Variants in RHCE observed in about 807,000 individuals in gnomAD.
RHCE encodes blood group Rh(CE) polypeptide.
Under a neutral mutation model 43.8 loss-of-function variants are expected in RHCE, and 22 were observed. That is an observed-to-expected ratio of 0.50 (90% CI 0.36 to 0.72). The LOEUF (loss-of-function observed/expected upper bound fraction) is 0.72, where lower values mean the gene tolerates loss of function less well. Among genes scored for constraint, RHCE ranks in the 30% least tolerant of loss-of-function variants. The probability of loss-of-function intolerance (pLI) is 0.00; values close to 1 mark genes in which losing one functional copy is unlikely to be tolerated. For synonymous variants in RHCE, 156 were observed against 210.7 expected (o/e 0.74, Z 2.25); for missense variants, 385 against 525.4 (o/e 0.73, Z 2.61).
chr1:25,416,979 C>T (rs1647568448), intron 1 of RHCE, among the ~76,000 whole-genome samples: 1 of 151,076 alleles, frequency 6.6e-6, no homozygotes, highest in African/African-American at 2.4e-5. Flanking sequence ...GAGAGAACAG[C>T]ACGATGACCC....
chr1:25,389,802 T>C (rs1350864464), intron 5 of RHCE, among the ~76,000 whole-genome samples: 1 of 152,150 alleles, frequency 6.6e-6, no homozygotes, highest in Non-Finnish European at 1.5e-5. Flanking sequence ...TCCTGGGTTA[T>C]AGCTCTGCTA....
At chr1:25,406,422 C>T (rs1224406811) in intron 2 of RHCE, among the ~76,000 whole-genome samples, 1 of 118,470 alleles carries the variant, frequency 8.4e-6, no homozygotes, top group Non-Finnish European at 1.9e-5. Flanking sequence ...AAGTGATTCG[C>T]CTGCCTCAGC....
At chr1:25,403,533 T>C (rs968632080) in intron 2 of RHCE, among the ~76,000 whole-genome samples, 2 of 150,778 alleles carry the variant, frequency 1.3e-5, no homozygotes, top group Non-Finnish European at 3.0e-5. Context: ...AAGGTTCTTA[T>C]GATCCAAAAA....
At chr1:25,370,433 A>G (rs778206314) in intron 9 of RHCE, 34 bp downstream of exon 9, 13 of 1,575,286 alleles carry the variant, frequency 8.3e-6, no homozygotes, top group Non-Finnish European at 1.1e-5. Context: ...TCATGCACTC[A>G]AAATCTATCA....
At position 25,362,444 on chromosome 1, in the gene RHCE, G is replaced by A. The variant is rs755024990; in HGVS notation, c.*83C>T. 23 of 1,613,112 alleles carry A rather than the reference G, an allele frequency of 1.4e-5. 1 individual carries two copies. Among genetic ancestry groups the A allele is most frequent in the South Asian group, 3.3e-5 (3 of 91,044 alleles). On this transcript the variant is annotated 3_prime_UTR_variant, in exon 10 of 10. Transcript: ENST00000294413. The stretch of plus-strand genomic sequence containing the variant: ...ATAAGGAGACTTTGCTGTCATGAGC[G>A]TTTCTCACGTACAAATGCAGGCAAC...
At chr1:25,376,138 C>T (rs1212621589) in intron 7 of RHCE, among the ~76,000 whole-genome samples, 1 of 152,092 alleles carries the variant, frequency 6.6e-6, no homozygotes, top group Non-Finnish European at 1.5e-5. Flanking sequence ...TTCTATTTCT[C>T]TTGGGGCAAG....
At chr1:25,388,692 CA>C in intron 6 of RHCE, among the ~76,000 whole-genome samples, 1 of 152,328 alleles carries the variant, frequency 6.6e-6, no homozygotes, top group South Asian at 2.1e-4. Context: ...GGGCTCCCCA[CA>C]ACACTCCAGT....
intron 7 of RHCE, among the ~76,000 whole-genome samples, chr1:25,381,754 G>C (rs945474465): frequency 4.0e-5 from 6 of 149,428 alleles, no homozygotes; most frequent in Non-Finnish European, 5.9e-5. Flanking sequence ...CACCGTGCCT[G>C]GCCTAATGCT....
chr1:25,412,375 G>A (rs937167146), intron 1 of RHCE, among the ~76,000 whole-genome samples: 2 of 152,142 alleles, frequency 1.3e-5, no homozygotes, highest in Non-Finnish European at 2.9e-5. Context: ...GGAAGATGGG[G>A]AGAGGAGAGT....
chr1:25,387,690 A>G (rs1377736593), intron 6 of RHCE, among the ~76,000 whole-genome samples: 3 of 152,184 alleles, frequency 2.0e-5, no homozygotes, highest in African/African-American at 7.2e-5. Context: ...GTTTTGGTCA[A>G]TCGAAGTATT....
At chr1:25,382,174 C>A (rs529319711) in intron 7 of RHCE, among the ~76,000 whole-genome samples, 35 of 148,948 alleles carry the variant, frequency 2.3e-4, no homozygotes, top group Non-Finnish European at 3.4e-4. Flanking sequence ...CTAATTACTT[C>A]CCAAAGGCCC....
At chr1:25,420,396 G>A (rs977073368) in intron 1 of RHCE, among the ~76,000 whole-genome samples, 4 of 152,122 alleles carry the variant, frequency 2.6e-5, no homozygotes, top group African/African-American at 9.7e-5. Flanking sequence ...ACACCAAAGA[G>A]GATGCCTCTC....
intron 3 of RHCE, among the ~76,000 whole-genome samples, chr1:25,393,228 A>G (rs1646434961): frequency 1.3e-5 from 2 of 152,020 alleles, no homozygotes; most frequent in Non-Finnish European, 1.5e-5. Flanking sequence ...CATCACCGCT[A>G]CCCCAAATTG....
At chr1:25,417,634 C>A (rs1487238655) in intron 1 of RHCE, among the ~76,000 whole-genome samples, 2 of 152,004 alleles carry the variant, frequency 1.3e-5, no homozygotes, top group African/African-American at 4.8e-5. Context: ...GAGATTGACA[C>A]CATTATGATT....
At chr1:25,402,798 CTCATTCAT>C (rs58619737) in intron 2 of RHCE, 52 bp from the exon 3 acceptor site, 48 of 1,595,946 alleles carry the variant, frequency 3.0e-5, no homozygotes, top group Non-Finnish European at 3.7e-5. Context: ...ATGCCTCTCA[CTCATTCAT>C]TCATTCATTC....
chr1:25,371,989 C>A (rs951697618), intron 8 of RHCE, among the ~76,000 whole-genome samples: 7 of 151,346 alleles, frequency 4.6e-5, no homozygotes, highest in African/African-American at 1.7e-4. Context: ...CTGGCGCCTG[C>A]ATGAATTTTC....
intron 3 of RHCE, 58 bp downstream of exon 3, chr1:25,402,538 C>G: frequency 6.2e-7 from 1 of 1,613,330 alleles, no homozygotes; most frequent in South Asian, 1.1e-5. Context: ...GGAAGCCCCA[C>G]CAAATGGAGC....
intron 2 of RHCE, among the ~76,000 whole-genome samples, chr1:25,405,521 C>T (rs545532312): frequency 6.8e-4 from 103 of 151,668 alleles, no homozygotes; most frequent in African/African-American, 2.3e-3. Context: ...GGCATGGTAG[C>T]AGGCGTCTGT....
chr1:25,400,791 T>G (rs556770823), intron 3 of RHCE, among the ~76,000 whole-genome samples: 5 of 152,018 alleles, frequency 3.3e-5, no homozygotes, highest in African/African-American at 1.2e-4. Context: ...ACCCCAATGT[T>G]CCCCATCTCA....
Sources: allele counts gnomAD v4.1 joint callset (sites outside exome capture counted in the v4.1 genomes callset), GRCh38; gene constraint gnomAD v4.1.1; transcripts MANE v1.5; gene names NCBI Gene and HGNC (gene_info 2026-07-23, HGNC 2026-07-21).